The following COMMD1 variants were observed in gnomAD, a reference collection of about 807,000 sequenced individuals.
COMMD1 encodes the protein COMM domain-containing protein 1.
COMMD1 carries 10 observed loss-of-function variants against 17.2 expected under a neutral mutation model. The observed-to-expected ratio is 0.58, with a 90% confidence interval of 0.36 to 0.99. The LOEUF (loss-of-function observed/expected upper bound fraction) is 0.99. Ranked by LOEUF, COMMD1 falls within the 50% of genes least tolerant of loss-of-function variation. The probability of loss-of-function intolerance (pLI) is 0.01; values close to 1 mark genes in which losing one functional copy is unlikely to be tolerated. For synonymous variants in COMMD1, 97 were observed against 91.6 expected (o/e 1.06, Z -0.34); for missense variants, 270 against 231.8 (o/e 1.17, Z -1.07).
upstream of COMMD1, among the ~76,000 whole-genome samples, chr2:61,903,832 A>G (rs773512110): frequency 3.2e-4 from 48 of 151,440 alleles, no homozygotes; most frequent in Admixed American, 8.5e-4. Context: ...GTGAGCCACC[A>G]TGCCCGACCT....
chr2:61,894,198 A>G (rs1669502675), intron 1 of COMMD1, among the ~76,000 whole-genome samples: 3 of 152,160 alleles, frequency 2.0e-5, no homozygotes, highest in Non-Finnish European at 4.4e-5. Flanking sequence ...CTTCCAGGTT[A>G]AATGGATTCT....
rs185906655 is a variant in COMMD1, at chr2:62,104,083, C to T, written c.463-31748C>T. ...CTTGTACTCCTAAGCTCGAGGGATC[C>T]ACTCGCTTCAGCCTCCCAAAGTGCT... On this transcript the variant is annotated intron_variant, in intron 2 of 2. Coordinates refer to ENST00000311832, the MANE Select transcript of COMMD1 (RefSeq NM_152516.4). Among the ~76,000 whole-genome samples the T allele has an allele frequency of 1.8e-3, 279 of 152,210 alleles. 1 individual carries two copies. Among genetic ancestry groups the T allele is most frequent in the African/African-American group, 6.4e-3 (264 of 41,532 alleles).
chr2:62,072,362 C>T (rs1216391757), intron 2 of COMMD1, among the ~76,000 whole-genome samples: 4 of 152,116 alleles, frequency 2.6e-5, no homozygotes, highest in Admixed American at 1.3e-4. Context: ...CCAATCAGCA[C>T]TCACTCCCCC....
chr2:61,974,378 TTAA>T (rs747924856), intron 1 of COMMD1, among the ~76,000 whole-genome samples: 81 of 151,666 alleles, frequency 5.3e-4, no homozygotes, highest in Non-Finnish European at 1.0e-3. Flanking sequence ...GTTTTATCTA[TTAA>T]TATTTTTTTT....
chr2:62,010,570 A>G (rs931062744), intron 2 of COMMD1, among the ~76,000 whole-genome samples: 7 of 152,172 alleles, frequency 4.6e-5, no homozygotes, highest in African/African-American at 1.4e-4. Flanking sequence ...AAAGGTATCA[A>G]AAATTGAATA....
intron 2 of COMMD1, among the ~76,000 whole-genome samples, chr2:62,065,338 CTTTTTTT>C (rs57243558): frequency 2.3e-5 from 1 of 44,378 alleles, no homozygotes; most frequent in Non-Finnish European, 4.4e-5. Flanking sequence ...TATGTACTTA[CTTTTTTT>C]TTTTTTTTTT....
intron 1 of COMMD1, among the ~76,000 whole-genome samples, chr2:61,891,249 T>C (rs1049379049): frequency 2.6e-5 from 4 of 152,214 alleles, no homozygotes; most frequent in Admixed American, 1.3e-4. Context: ...ATTGGCTTCT[T>C]GGGAGAGTCT....
At chr2:61,898,368 C>T (rs544926175) in intron 1 of COMMD1, among the ~76,000 whole-genome samples, 11 of 152,174 alleles carry the variant, frequency 7.2e-5, no homozygotes, top group South Asian at 6.2e-4. Context: ...CCCATCTATG[C>T]GGGAGGTTGA....
rs569313499 is a variant in COMMD1 at position 61,913,219 on chromosome 2, T to C, written c.180+7361T>C. On this transcript the variant is annotated intron_variant, in intron 1 of 2. Coordinates refer to ENST00000311832, the MANE Select transcript of COMMD1 (RefSeq NM_152516.4). ...CCATCTCTACTAAAAATACAAAAAT[T>C]AGCTGGGCATGGTGGTGTGCACCTG... is the stretch of plus-strand genomic sequence containing the variant. 7.9e-5 allele frequency among the ~76,000 whole-genome samples: 12 copies of C among 151,766 alleles called. No homozygotes were observed. The South Asian group carries it at 2.5e-3, about 32-fold the overall frequency.
chr2:61,984,595 A>G (rs926636277), intron 1 of COMMD1, among the ~76,000 whole-genome samples: 4 of 152,102 alleles, frequency 2.6e-5, no homozygotes, highest in African/African-American at 9.7e-5. Flanking sequence ...TGTCCTGGAG[A>G]CTGATTCATG....
chr2:62,104,087 C>T (rs1475537515), intron 2 of COMMD1, among the ~76,000 whole-genome samples: 2 of 152,134 alleles, frequency 1.3e-5, no homozygotes, highest in Non-Finnish European at 2.9e-5. Flanking sequence ...GGGATCCACT[C>T]GCTTCAGCCT....
chr2:61,930,589 A>G (rs929367841), intron 1 of COMMD1, among the ~76,000 whole-genome samples: 1 of 150,696 alleles, frequency 6.6e-6, no homozygotes, highest in South Asian at 2.1e-4. Context: ...TGAGACTTCT[A>G]AGAGACTATT....
intron 2 of COMMD1, among the ~76,000 whole-genome samples, chr2:62,085,040 A>G (rs1306680039): frequency 1.3e-5 from 2 of 152,182 alleles, no homozygotes; most frequent in Non-Finnish European, 2.9e-5. Flanking sequence ...TGAAGTGAGC[A>G]GGCAAATAAC....
At chr2:61,906,634 G>GAATC (rs10660043) in intron 1 of COMMD1, among the ~76,000 whole-genome samples, 68,749 of 151,514 alleles carry the variant, frequency 0.45, 18,093 homozygotes, top group African/African-American at 0.75. Context: ...TTATAGGAAT[G>GAATC]TAGTGTCAAT....
At chr2:62,086,835 G>T (rs1671684396) in intron 2 of COMMD1, among the ~76,000 whole-genome samples, 1 of 151,686 alleles carries the variant, frequency 6.6e-6, no homozygotes, top group African/African-American at 2.4e-5. Context: ...TATAATATTG[G>T]AAGAATTTCT....
At chr2:62,024,059 T>TA (rs1382666713) in intron 2 of COMMD1, among the ~76,000 whole-genome samples, 2 of 152,220 alleles carry the variant, frequency 1.3e-5, no homozygotes, top group African/African-American at 4.8e-5. Context: ...CTACATATAA[T>TA]ACCATTAAAA....
intron 2 of COMMD1, among the ~76,000 whole-genome samples, chr2:62,130,472 A>T (rs1673001048): frequency 6.6e-6 from 1 of 152,138 alleles, no homozygotes; most frequent in Admixed American, 6.6e-5. Flanking sequence ...ATTCTAAGGC[A>T]TCCTTTCCCA....
chr2:62,089,078 T>C (rs957319868), intron 2 of COMMD1, among the ~76,000 whole-genome samples: 1 of 152,148 alleles, frequency 6.6e-6, no homozygotes, highest in Non-Finnish European at 1.5e-5. Context: ...CAAGGTTCCT[T>C]TGAAGTCTTA....
chr2:62,066,004 C>T (rs1671027517), intron 2 of COMMD1, among the ~76,000 whole-genome samples: 1 of 152,094 alleles, frequency 6.6e-6, no homozygotes, highest in African/African-American at 2.4e-5. Context: ...GAAATTGGGT[C>T]TTTCCACTTA....
Sources: allele counts gnomAD v4.1 joint callset (sites outside exome capture counted in the v4.1 genomes callset), GRCh38; gene constraint gnomAD v4.1.1; transcripts MANE v1.5; gene names NCBI Gene and HGNC (gene_info 2026-07-23, HGNC 2026-07-21).